The following CORO1C variants were observed in gnomAD, a reference collection of about 807,000 sequenced individuals.
The protein encoded by CORO1C is coronin-1C.
CORO1C carries 14 observed loss-of-function variants against 51.2 expected under a neutral mutation model. That is an observed-to-expected ratio of 0.27 (90% CI 0.18 to 0.43). CORO1C has a LOEUF of 0.43. Ranked by LOEUF, CORO1C falls within the 20% of genes least tolerant of loss-of-function variation. The probability of loss-of-function intolerance (pLI) is 1.00; values close to 1 mark genes in which losing one functional copy is unlikely to be tolerated. For synonymous variants in CORO1C, 181 were observed against 210.5 expected (o/e 0.86, Z 1.21); for missense variants, 417 against 607.8 (o/e 0.69, Z 3.30).
intron 2 of CORO1C, among the ~76,000 whole-genome samples, chr12:108,681,914 A>T (rs909342575): frequency 1.3e-5 from 2 of 152,186 alleles, no homozygotes; most frequent in Admixed American, 6.5e-5. Context: ...GAAACAAAAC[A>T]TTAGACAACA....
intron 2 of CORO1C, among the ~76,000 whole-genome samples, chr12:108,679,683 A>T (rs1235136656): frequency 6.6e-6 from 1 of 152,196 alleles, no homozygotes; most frequent in African/African-American, 2.4e-5. Context: ...TGATTTCTCC[A>T]ATTTGACTTG....
At chr12:108,660,451 C>CAAA (rs139334112) in intron 4 of CORO1C, among the ~76,000 whole-genome samples, 69 of 86,984 alleles carry the variant, frequency 7.9e-4, no homozygotes, top group Non-Finnish European at 1.0e-3. Flanking sequence ...AACTCCATCT[C>CAAA]AAAAAAAAAA....
intron 2 of CORO1C, among the ~76,000 whole-genome samples, chr12:108,681,335 A>C (rs944975052): frequency 1.2e-4 from 19 of 152,366 alleles, no homozygotes; most frequent in African/African-American, 4.6e-4. Context: ...TAAATGCATA[A>C]GTCTTTAGAT....
chr12:108,665,234 A>G (rs1279236976), intron 3 of CORO1C, among the ~76,000 whole-genome samples: 1 of 152,218 alleles, frequency 6.6e-6, no homozygotes, highest in Non-Finnish European at 1.5e-5. Flanking sequence ...TCCTGGATTA[A>G]AAGAAAATTT....
rs60647143 is a variant in CORO1C, at chr12:108,694,279, C to CAA, written c.195+6843_195+6844dup. Among the ~76,000 whole-genome samples, 297 of 66,000 alleles carry CAA rather than the reference C, an allele frequency of 4.5e-3. 1 individual carries two copies. Among genetic ancestry groups the CAA allele is most frequent in the Middle Eastern group, 0.022 (2 of 92 alleles). The allele number at this position is 66,000 out of a possible 152,430, so 43.3% of individuals were successfully genotyped here. A position where few individuals can be genotyped will look rare whatever the true frequency, so the allele number is the denominator to read the frequency against. On this transcript the variant is annotated intron_variant, in intron 2 of 10. Transcript: ENST00000261401. The stretch of plus-strand genomic sequence containing the variant: ...CCTGGGGAACAGAGCAAGACTGTCT[C>CAA]AAAAAAAAAAAAAAAAAAAAAAAAA...
chr12:108,724,364 C>T (rs769854592), intron 1 of CORO1C, among the ~76,000 whole-genome samples: 7 of 152,202 alleles, frequency 4.6e-5, no homozygotes, highest in Non-Finnish European at 5.9e-5. Context: ...TAAATTCACA[C>T]AACTAACTAT....
intron 2 of CORO1C, among the ~76,000 whole-genome samples, chr12:108,699,190 C>G (rs1398387739): frequency 6.6e-6 from 1 of 152,204 alleles, no homozygotes. Context: ...AGGACACATT[C>G]ATTAAGTGTA....
chr12:108,662,428 A>C (rs1647745945), intron 3 of CORO1C, among the ~76,000 whole-genome samples: 1 of 152,062 alleles, frequency 6.6e-6, no homozygotes, highest in African/African-American at 2.4e-5. Context: ...TGCAACCTCC[A>C]TCTCCCAGGT....
At chr12:108,663,940 G>C (rs2033374581) in intron 3 of CORO1C, among the ~76,000 whole-genome samples, 1 of 152,188 alleles carries the variant, frequency 6.6e-6, no homozygotes, top group Non-Finnish European at 1.5e-5. Flanking sequence ...GGGGGAGAAA[G>C]GGACAGGGAA....
chr12:108,714,614 T>C (rs1354824674), intron 1 of CORO1C, among the ~76,000 whole-genome samples: 2 of 150,926 alleles, frequency 1.3e-5, no homozygotes, highest in African/African-American at 2.4e-5. Context: ...TACAAAAAAT[T>C]AGCCGGGCAT....
intron 1 of CORO1C, among the ~76,000 whole-genome samples, chr12:108,724,278 C>T (rs927242938): frequency 6.6e-6 from 1 of 152,208 alleles, no homozygotes; most frequent in African/African-American, 2.4e-5. Context: ...AATGGAACTG[C>T]TGCACTGGGT....
chr12:108,652,148 T>C (rs2032701943), intron 8 of CORO1C, 124 bp downstream of exon 8: 1 of 813,156 alleles, frequency 1.2e-6, no homozygotes, highest in Non-Finnish European at 1.9e-6. Context: ...TGTGTACAAT[T>C]CTACTACTTT....
At position 108,662,016 on chromosome 12, in the gene CORO1C, G is replaced by A; in HGVS notation, c.448+13C>T. The A allele has an allele frequency of 1.2e-6, 2 of 1,614,114 alleles. No homozygotes were observed. The highest frequency in any genetic ancestry group is 1.7e-6 in the Non-Finnish European group (2 of 1,179,986). On this transcript the variant is annotated intron_variant, in intron 4 of 10. Transcript: ENST00000261401. ...TGGAAGACAAGGGGAGGACCGCTGA[G>A]CTCAGCTCCCACCTGCACTAAGAAG...
rs1383440833 is a variant in CORO1C at position 108,645,785 on chromosome 12, A to G, written c.*1618T>C. ...CCAGTCCCATGCCCACACCAGCACGAGCATGTGCAAGAATTCCCTTCGTGG... is the reference window on the plus strand; with the variant it reads ...CCAGTCCCATGCCCACACCAGCACGGGCATGTGCAAGAATTCCCTTCGTGG... On this transcript the variant is annotated 3_prime_UTR_variant, in exon 11 of 11. Transcript: ENST00000261401. 1 of 152,292 alleles carries G rather than the reference A, an allele frequency of 6.6e-6. No individual in the cohort carries two copies. Among genetic ancestry groups the G allele is most frequent in the Non-Finnish European group, 1.5e-5 (1 of 68,070 alleles). 9.4% of individuals were successfully genotyped at this position (152,292 alleles called of 1,614,324 possible).
At chr12:108,724,631 A>G (rs932002115) in intron 1 of CORO1C, among the ~76,000 whole-genome samples, 2 of 152,198 alleles carry the variant, frequency 1.3e-5, no homozygotes, top group African/African-American at 4.8e-5. Flanking sequence ...AATCTCCCAA[A>G]TCTCCCAAAA....
intron 1 of CORO1C, among the ~76,000 whole-genome samples, chr12:108,721,665 C>T (rs1356309685): frequency 2.0e-5 from 3 of 152,092 alleles, no homozygotes; most frequent in Admixed American, 6.6e-5. Context: ...ACCAGTAGTT[C>T]AAACCCTTCA....
rs1476775339 is a variant in CORO1C, at chr12:108,646,977, T to A, written c.*426A>T. The A allele has an allele frequency of 1.3e-5, 2 of 154,678 alleles. No homozygotes were observed. The highest frequency in any genetic ancestry group is 1.3e-4 in the Admixed American group (2 of 15,350). 9.6% of individuals were successfully genotyped at this position (154,678 alleles called of 1,614,324 possible). ...ATACAAAGGAAAACAAAGCTACTTT[T>A]GGTTTTGGCAACATTAAAAAAGAAA... On this transcript the variant is annotated 3_prime_UTR_variant, in exon 11 of 11. Coordinates refer to ENST00000261401, the MANE Select transcript of CORO1C (RefSeq NM_014325.4).
At chr12:108,730,671 GC>G (rs2035699690) in intron 1 of CORO1C, 1 of 153,152 alleles carries the variant, frequency 6.5e-6, no homozygotes, top group Admixed American at 6.6e-5. Context: ...CGATCCGACA[GC>G]CTTCCTGCTT....
chr12:108,686,349 T>C (rs1270638430), intron 2 of CORO1C, among the ~76,000 whole-genome samples: 1 of 152,196 alleles, frequency 6.6e-6, no homozygotes, highest in African/African-American at 2.4e-5. Context: ...GAAAGGAAGA[T>C]GTACAAGAAT....
Sources: gnomAD v4.1 joint callset for allele counts (sites outside exome capture counted in the v4.1 genomes callset) on GRCh38, gnomAD v4.1.1 for gene constraint, MANE v1.5 for transcripts, NCBI Gene and HGNC (gene_info 2026-07-23, HGNC 2026-07-21) for gene names.